The following MEF2C variants were observed in gnomAD, a reference collection of about 807,000 sequenced individuals.
MEF2C encodes myocyte enhancer factor 2C, also known as myocyte-specific enhancer factor 2C.
A neutral mutation model predicts 50.5 loss-of-function variants in MEF2C; 6 were observed. That is an observed-to-expected ratio of 0.12 (90% CI 0.07 to 0.23). The LOEUF is 0.23. Among genes scored for constraint, MEF2C ranks in the 10% least tolerant of loss-of-function variants. MEF2C has a pLI of 1.00. For synonymous variants in MEF2C, 183 were observed against 228.0 expected (o/e 0.80, Z 1.78); for missense variants, 276 against 605.0 (o/e 0.46, Z 5.70).
chr5:88,772,992 A>G, intron 3 of MEF2C: 2 of 847,382 alleles, frequency 2.4e-6, no homozygotes, highest in Non-Finnish European at 2.8e-6. Flanking sequence ...TATTGTTCTG[A>G]TTAGAGAAAA....
chr5:88,811,545 G>C (rs747822638), intron 2 of MEF2C, among the ~76,000 whole-genome samples: 9 of 152,080 alleles, frequency 5.9e-5, no homozygotes, highest in Non-Finnish European at 1.2e-4. Flanking sequence ...ATAGGGCTTT[G>C]AGTTAAGAGC....
intron 5 of MEF2C, among the ~76,000 whole-genome samples, chr5:88,750,775 G>A (rs979912078): frequency 3.9e-5 from 6 of 152,118 alleles, no homozygotes; most frequent in African/African-American, 1.4e-4. Flanking sequence ...GAATTTAACT[G>A]TATTTTCTAT....
intron 3 of MEF2C, among the ~76,000 whole-genome samples, chr5:88,776,248 T>G (rs1013022009): frequency 2.0e-5 from 3 of 152,218 alleles, no homozygotes; most frequent in Non-Finnish European, 4.4e-5. Flanking sequence ...CTTGTATATA[T>G]TTATATGGTA....
intron 3 of MEF2C, among the ~76,000 whole-genome samples, chr5:88,782,515 A>G (rs1051297142): frequency 6.6e-6 from 1 of 152,156 alleles, no homozygotes; most frequent in Non-Finnish European, 1.5e-5. Context: ...AACGCAACAA[A>G]AAACCTCCTG....
At chr5:88,749,543 T>C (rs962409463) in intron 5 of MEF2C, 6 of 971,468 alleles carry the variant, frequency 6.2e-6, no homozygotes, top group Non-Finnish European at 7.3e-6. Flanking sequence ...GTCCAGAAAT[T>C]TGATCGTTTC....
At chr5:88,881,797 G>A (rs1449112231) in intron 1 of MEF2C, among the ~76,000 whole-genome samples, 1 of 148,896 alleles carries the variant, frequency 6.7e-6, no homozygotes, top group African/African-American at 2.5e-5. Flanking sequence ...ATTATATGCA[G>A]TCCCCAAGCA....
intron 4 of MEF2C, among the ~76,000 whole-genome samples, chr5:88,758,856 C>T (rs1306770213): frequency 6.6e-6 from 1 of 152,182 alleles, no homozygotes; most frequent in East Asian, 1.9e-4. Flanking sequence ...AATCACGTAT[C>T]TTGATCTTGA....
Position 88,742,117 on chromosome 5 carries a change from C to T in MEF2C, c.637+6953G>A, listed in dbSNP as rs988062604. 9.1e-6 allele frequency: 9 copies of T among 985,326 alleles called. No homozygotes were observed. The East Asian group carries it at 7.9e-4, about 87-fold the overall frequency. 61.0% of individuals were successfully genotyped at this position (985,326 alleles called of 1,614,324 possible). A position where few individuals can be genotyped will look rare whatever the true frequency, so the allele number is the denominator to read the frequency against. Reference sequence around the variant, plus strand: ...CTCTTGGCTGACAGCCTTGAAGCACCGAGTGAGAAAGTCCCTGGTAAGTAA... The same window carrying T: ...CTCTTGGCTGACAGCCTTGAAGCACTGAGTGAGAAAGTCCCTGGTAAGTAA... On this transcript the variant is annotated intron_variant, in intron 6 of 10. Coordinates refer to ENST00000504921, the MANE Select transcript of MEF2C (RefSeq NM_002397.5).
chr5:88,836,774 T>C (rs755600561), intron 1 of MEF2C, among the ~76,000 whole-genome samples: 5 of 152,128 alleles, frequency 3.3e-5, no homozygotes, highest in Non-Finnish European at 7.4e-5. Context: ...CGGAAAGTAT[T>C]ACAGTGCTTC....
At chr5:88,731,926 T>G (rs1357722661) in intron 6 of MEF2C, 25 bp from the exon 7 acceptor site, 1 of 1,592,788 alleles carries the variant, frequency 6.3e-7, no homozygotes, top group East Asian at 2.2e-5. Context: ...CAATAAAGCA[T>G]TTAGGAAGAA....
At chr5:88,874,901 C>G (rs906743825) in intron 1 of MEF2C, among the ~76,000 whole-genome samples, 1 of 151,852 alleles carries the variant, frequency 6.6e-6, no homozygotes, top group Non-Finnish European at 1.5e-5. Context: ...CCTGAAGGCT[C>G]CCATTTAATA....
At chr5:88,851,455 A>G (rs1011535126) in intron 1 of MEF2C, among the ~76,000 whole-genome samples, 5 of 151,996 alleles carry the variant, frequency 3.3e-5, no homozygotes, top group Non-Finnish European at 7.4e-5. Flanking sequence ...TTAGTAGAAA[A>G]CTTGGCTACT....
chr5:88,780,149 A>C, intron 3 of MEF2C, among the ~76,000 whole-genome samples: 1 of 151,580 alleles, frequency 6.6e-6, no homozygotes, highest in East Asian at 1.9e-4. Flanking sequence ...TCCATCTCGA[A>C]AAAAAAAAGA....
intron 1 of MEF2C, among the ~76,000 whole-genome samples, chr5:88,869,268 T>TAC (rs1828505980): frequency 3.2e-5 from 2 of 62,446 alleles, no homozygotes; most frequent in Admixed American, 1.9e-4. Flanking sequence ...TATATATATA[T>TAC]ATATATATAC....
intron 4 of MEF2C, among the ~76,000 whole-genome samples, chr5:88,759,802 A>G (rs1777059854): frequency 6.6e-6 from 1 of 152,386 alleles, no homozygotes; most frequent in South Asian, 2.1e-4. Context: ...ATAGGTATTT[A>G]TAAGGATAGA....
At chr5:88,872,512 A>C (rs1390018028) in intron 1 of MEF2C, among the ~76,000 whole-genome samples, 2 of 152,068 alleles carry the variant, frequency 1.3e-5, no homozygotes, top group Non-Finnish European at 2.9e-5. Context: ...TGTGACCCAA[A>C]TTTAATGGAC....
intron 5 of MEF2C, chr5:88,749,345 A>G: frequency 3.0e-5 from 30 of 984,012 alleles, no homozygotes; most frequent in Non-Finnish European, 3.5e-5. Flanking sequence ...TAAGAAAGTT[A>G]CATTTAAAAA....
At chr5:88,798,605 A>T (rs1797000531) in intron 3 of MEF2C, among the ~76,000 whole-genome samples, 1 of 151,720 alleles carries the variant, frequency 6.6e-6, no homozygotes, top group African/African-American at 2.4e-5. Flanking sequence ...AGCTCGGAGG[A>T]GTTTGTTATT....
intron 6 of MEF2C, chr5:88,733,642 AAGC>A (rs1762608007): frequency 1.0e-6 from 1 of 985,242 alleles, no homozygotes; most frequent in African/African-American, 1.7e-5. Context: ...ACACTGTATA[AAGC>A]AGATTTGTTC....
Sources: allele counts gnomAD v4.1 joint callset (sites outside exome capture counted in the v4.1 genomes callset), GRCh38; gene constraint gnomAD v4.1.1; transcripts MANE v1.5; gene names NCBI Gene and HGNC (gene_info 2026-07-23, HGNC 2026-07-21).